The following CPXM2 variants were observed in gnomAD, a reference collection of about 807,000 sequenced individuals.
CPXM2 encodes inactive carboxypeptidase-like protein X2.
A neutral mutation model predicts 86.1 loss-of-function variants in CPXM2; 66 were observed. The observed-to-expected ratio is 0.77, with a 90% CI of 0.63 to 0.94. The LOEUF is 0.94. Ranked by LOEUF, CPXM2 falls within the 40% of genes least tolerant of loss-of-function variation. The pLI is 0.00. For missense variants in CPXM2, 948 were observed against 1,026.3 expected (o/e 0.92, Z 1.04); for synonymous variants, 388 against 400.2 (o/e 0.97, Z 0.36).
At chr10:123,798,977 GTC>G in intron 5 of CPXM2, 136 bp downstream of exon 5, 1 of 924,178 alleles carries the variant, frequency 1.1e-6, no homozygotes, top group South Asian at 1.5e-5. Context: ...AAGGGTCTCT[GTC>G]CATCAGACTG....
chr10:123,896,006 C>A (rs1262707996), upstream of CPXM2, among the ~76,000 whole-genome samples: 1 of 152,210 alleles, frequency 6.6e-6, no homozygotes, highest in Non-Finnish European at 1.5e-5. Flanking sequence ...GTCTGATAAT[C>A]CTCAAACACC....
At chr10:123,752,933 G>A (rs888915859) in intron 13 of CPXM2, among the ~76,000 whole-genome samples, 2 of 152,212 alleles carry the variant, frequency 1.3e-5, no homozygotes, top group South Asian at 2.1e-4. Flanking sequence ...AACAAATCAT[G>A]AGCAGAGTAC....
intron 4 of CPXM2, among the ~76,000 whole-genome samples, chr10:123,825,548 C>A (rs1375956673): frequency 6.6e-6 from 1 of 152,136 alleles, no homozygotes; most frequent in Admixed American, 6.5e-5. Flanking sequence ...AACCAATGAA[C>A]CTTCATCTCT....
chr10:123,878,571 G>A (rs1009654053), intron 2 of CPXM2, among the ~76,000 whole-genome samples: 1 of 149,738 alleles, frequency 6.7e-6, no homozygotes, highest in African/African-American at 2.5e-5. Flanking sequence ...AAATCTTTCC[G>A]AAAATGGTCT....
intron 2 of CPXM2, 66 bp downstream of exon 2, chr10:123,880,145 T>TGGGGCCCCCCCCCCCCCCCCC: frequency 2.5e-6 from 1 of 407,580 alleles, no homozygotes; most frequent in East Asian, 4.9e-5. Context: ...CAGGGGCCTG[T>TGGGGCCCCCCCCCCCCCCCCC]ACCCACCCAC....
At chr10:123,785,180 T>G (rs74162935) in intron 6 of CPXM2, among the ~76,000 whole-genome samples, 148 of 152,330 alleles carry the variant, frequency 9.7e-4, no homozygotes, top group African/African-American at 3.3e-3. Context: ...GTTTGTGCAT[T>G]TTGTCCAATT....
chr10:123,802,649 C>A (rs1292111752), intron 4 of CPXM2, among the ~76,000 whole-genome samples: 2 of 152,102 alleles, frequency 1.3e-5, no homozygotes, highest in African/African-American at 2.4e-5. Context: ...ATACAAAATT[C>A]TGTTTGGTGT....
chr10:123,817,831 T>A (rs1176052789), intron 4 of CPXM2, among the ~76,000 whole-genome samples: 1 of 152,162 alleles, frequency 6.6e-6, no homozygotes, highest in African/African-American at 2.4e-5. Context: ...AGTAGACAGC[T>A]ACAGCACGAC....
At chr10:123,942,652 C>A (rs1945788296), upstream of CPXM2, among the ~76,000 whole-genome samples, 1 of 152,222 alleles carries the variant, frequency 6.6e-6, no homozygotes, top group South Asian at 2.1e-4. Context: ...TGTGAATAAT[C>A]CACCCCTTGT....
rs150596885 is a variant in CPXM2, at chr10:123,867,702, T to A, written c.404-4979A>T. On this transcript the variant is annotated intron_variant, in intron 2 of 13. Coordinates refer to ENST00000241305, the MANE Select transcript of CPXM2 (RefSeq NM_198148.3). ...CGCCTGCAACCATGCCCGGCTAATTTTTGTATTTTTAGTAGAGACAGAGTT... is the reference window on the plus strand; with the variant it reads ...CGCCTGCAACCATGCCCGGCTAATTATTGTATTTTTAGTAGAGACAGAGTT... Among the ~76,000 whole-genome samples the A allele has an allele frequency of 9.3e-3, 1,413 of 152,144 alleles. 18 individuals are homozygous for A. Among genetic ancestry groups the A allele is most frequent in the African/African-American group, 0.032 (1,340 of 41,496 alleles).
intron 4 of CPXM2, among the ~76,000 whole-genome samples, chr10:123,807,601 C>A (rs2134085758): frequency 6.6e-6 from 1 of 152,238 alleles, no homozygotes; most frequent in East Asian, 1.9e-4. Flanking sequence ...AGAGTGTGAT[C>A]AAGTGCTGTG....
intron 7 of CPXM2, among the ~76,000 whole-genome samples, chr10:123,775,794 G>A (rs989399360): frequency 5.9e-5 from 9 of 152,160 alleles, no homozygotes; most frequent in Admixed American, 6.5e-5. Context: ...CTGCACGGTG[G>A]CCCTCTGCAA....
intron 3 of CPXM2, among the ~76,000 whole-genome samples, chr10:123,854,235 T>C (rs1015835101): frequency 5.3e-5 from 8 of 149,542 alleles, no homozygotes; most frequent in Admixed American, 4.7e-4. Context: ...TTCTGGGCCC[T>C]TCCTGGATGT....
At chr10:123,824,621 A>G (rs1848008151) in intron 4 of CPXM2, among the ~76,000 whole-genome samples, 1 of 152,196 alleles carries the variant, frequency 6.6e-6, no homozygotes, top group Admixed American at 6.5e-5. Context: ...GTAGTGCTGG[A>G]TGGCATCCTG....
In CPXM2 at chr10:123,868,390, C is replaced by T. The variant is rs535723108; in HGVS notation, c.404-5667G>A. Among the ~76,000 whole-genome samples the T allele has an allele frequency of 6.6e-5, 10 of 152,264 alleles. No homozygotes were observed. The South Asian group carries it at 1.0e-3, about 16-fold the overall frequency. Reference sequence around the variant, plus strand: ...GACAAGATCCACAGCATGAATGAACCGGCGTCCAGGAAACCTCCATGTCTT... The same window carrying T: ...GACAAGATCCACAGCATGAATGAACTGGCGTCCAGGAAACCTCCATGTCTT... On this transcript the variant is annotated intron_variant, in intron 2 of 13. Coordinates refer to ENST00000241305, the MANE Select transcript of CPXM2 (RefSeq NM_198148.3).
At chr10:123,750,147 T>G in intron 13 of CPXM2, 3 of 985,354 alleles carry the variant, frequency 3.0e-6, no homozygotes, top group Non-Finnish European at 3.6e-6. Flanking sequence ...ATGAAAGCTA[T>G]TCTTACTAAT....
At chr10:123,780,705 C>T (rs1435144938) in intron 6 of CPXM2, among the ~76,000 whole-genome samples, 3 of 151,678 alleles carry the variant, frequency 2.0e-5, no homozygotes, top group African/African-American at 7.3e-5. Flanking sequence ...AGGATGTGGA[C>T]CCTATAAGCC....
At chr10:123,747,078 C>T in intron 13 of CPXM2, 61 bp from the exon 14 acceptor site, 9 of 1,572,660 alleles carry the variant, frequency 5.7e-6, no homozygotes, top group Non-Finnish European at 7.8e-6. Context: ...ATCCCGCCAG[C>T]CCTCCTCCAA....
upstream of CPXM2, among the ~76,000 whole-genome samples, chr10:123,895,553 G>T (rs1945330941): frequency 6.6e-6 from 1 of 152,204 alleles, no homozygotes; most frequent in Non-Finnish European, 1.5e-5. Flanking sequence ...AACTCCTTCT[G>T]CATAACTAAT....
Sources: gnomAD v4.1 joint callset for allele counts (sites outside exome capture counted in the v4.1 genomes callset) on GRCh38, gnomAD v4.1.1 for gene constraint, MANE v1.5 for transcripts, NCBI Gene and HGNC (gene_info 2026-07-23, HGNC 2026-07-21) for gene names.